The following SASH1 variants were observed in gnomAD, a reference collection of about 807,000 sequenced individuals.
SASH1 encodes SAM and SH3 domain-containing protein 1.
SASH1 carries 44 observed loss-of-function variants against 125.2 expected under a neutral mutation model. The ratio of observed to expected loss-of-function variants is 0.35; its 90% confidence interval spans 0.28 to 0.45. SASH1 has a LOEUF of 0.45. Ranked by LOEUF, SASH1 falls within the 20% of genes least tolerant of loss-of-function variation. The pLI, the probability that SASH1 is intolerant of heterozygous loss-of-function variation, is 1.00. For synonymous variants in SASH1, 639 were observed against 649.1 expected (o/e 0.98, Z 0.24); for missense variants, 1,426 against 1,614.5 (o/e 0.88, Z 2.00).
the SASH1 span, among the ~76,000 whole-genome samples, chr6:148,204,527 A>C: frequency 7.8e-4 from 118 of 152,234 alleles, no homozygotes; most frequent in African/African-American, 2.8e-3. Flanking sequence ...CCCCATTTCT[A>C]CTAAAAATAC....
In SASH1 at chr6:148,551,716, G is replaced by T. The variant is rs1436490541; in HGVS notation, c.*3158G>T. 1.3e-5 allele frequency: 2 copies of T among 152,580 alleles called. No individual in the cohort carries two copies. Among genetic ancestry groups the T allele is most frequent in the African/African-American group, 2.4e-5 (1 of 41,438 alleles). The allele number at this position is 152,580 out of a possible 1,614,324, so 9.5% of individuals were successfully genotyped here. ...GTCCAAGTTATCTTGATTTAAAATT[G>T]ATAGAGAAAAGAAACTGTCGAGCAA... On this transcript the variant is annotated 3_prime_UTR_variant, in exon 20 of 20. Coordinates refer to ENST00000367467, the MANE Select transcript of SASH1 (RefSeq NM_015278.5).
Position 148,533,680 on chromosome 6 carries a change from A to T in SASH1, c.1735-91A>T. ...CGATTCTGGCCTTTGTGGCATCTTC[A>T]CTTCTGCATGACCTGTGTATCTGAC... is the stretch of plus-strand genomic sequence containing the variant. On this transcript the variant is annotated intron_variant, in intron 14 of 19. Coordinates refer to ENST00000367467, the MANE Select transcript of SASH1 (RefSeq NM_015278.5). This position sits in a 1 kb window ranked among gnomAD's most constrained non-coding sequence, Gnocchi z 6.2. 8.1e-7 allele frequency: 1 copy of T among 1,237,306 alleles called. No individual in the cohort carries two copies. Among genetic ancestry groups the T allele is most frequent in the Non-Finnish European group, 1.1e-6 (1 of 871,618 alleles). 76.6% of individuals were successfully genotyped at this position (1,237,306 alleles called of 1,614,324 possible).
At chr6:148,500,571 A>G (rs1725110009) in intron 8 of SASH1, among the ~76,000 whole-genome samples, 2 of 152,316 alleles carry the variant, frequency 1.3e-5, no homozygotes, top group Admixed American at 6.5e-5. Flanking sequence ...AAAAAGATAA[A>G]GAGGTCACAC....
chr6:148,369,094 G>A (rs574464622), intron 1 of SASH1, among the ~76,000 whole-genome samples: 1 of 152,206 alleles, frequency 6.6e-6, no homozygotes, highest in Non-Finnish European at 1.5e-5. Flanking sequence ...TGGCAGAGCT[G>A]TACGTGTTGG....
At chr6:148,279,727 GCTCACAC>G (rs959611765) in intron 1 of SASH1, among the ~76,000 whole-genome samples, 2 of 152,046 alleles carry the variant, frequency 1.3e-5, no homozygotes, top group African/African-American at 4.8e-5. Context: ...AGGAGTGGTG[GCTCACAC>G]CTGAAATCCT....
rs1395124435 is a variant in SASH1, at chr6:148,519,920, T to C, written c.1209+27T>C. The C allele has an allele frequency of 2.0e-6, 3 of 1,482,526 alleles. No individual in the cohort carries two copies. The highest frequency in any genetic ancestry group is 1.2e-5 in the South Asian group (1 of 81,060). The allele number at this position is 1,482,526 out of a possible 1,614,324, so 91.8% of individuals were successfully genotyped here. ...TAAGTACGGATGGTGTTTGCTTCTA[T>C]GACAACCACCGTCGCAGGCACCACC... On this transcript the variant is annotated intron_variant, in intron 10 of 19. Transcript: ENST00000367467. The surrounding 1 kb of genome is among the most constrained non-coding windows in gnomAD (Gnocchi z 4.8).
At chr6:148,545,935 C>T (rs574956386) in intron 18 of SASH1, 80 bp from the exon 19 acceptor site, 44 of 1,384,496 alleles carry the variant, frequency 3.2e-5, no homozygotes, top group South Asian at 1.5e-4. Context: ...TGAGACCCTA[C>T]GTTATATGTG....
the SASH1 span, among the ~76,000 whole-genome samples, chr6:148,193,620 C>G: frequency 6.6e-6 from 1 of 152,134 alleles, no homozygotes; most frequent in Non-Finnish European, 1.5e-5. Flanking sequence ...TTGGAGCAAA[C>G]TAATGGTAAG....
intron 4 of SASH1, among the ~76,000 whole-genome samples, chr6:148,444,851 C>T (rs2115017860): frequency 6.6e-6 from 1 of 152,274 alleles, no homozygotes; most frequent in African/African-American, 2.4e-5. Flanking sequence ...ATAGGCAGAG[C>T]AGTGGCATGG....
At chr6:148,443,037 A>T (rs1373530682) in intron 4 of SASH1, among the ~76,000 whole-genome samples, 1 of 151,684 alleles carries the variant, frequency 6.6e-6, no homozygotes, top group African/African-American at 2.4e-5. Context: ...CAGCCTCCCA[A>T]AGTGCTGGGA....
chr6:148,288,267 C>T (rs1292962953), intron 1 of SASH1, among the ~76,000 whole-genome samples: 1 of 152,192 alleles, frequency 6.6e-6, no homozygotes, highest in Admixed American at 6.5e-5. Flanking sequence ...GACAGAGCGG[C>T]CCTGGGATTC....
intron 1 of SASH1, among the ~76,000 whole-genome samples, chr6:148,347,237 G>A (rs1055993883): frequency 1.3e-5 from 2 of 152,108 alleles, no homozygotes; most frequent in South Asian, 2.1e-4. Flanking sequence ...AACTGGGAAG[G>A]GGGTTAGTAA....
At chr6:148,208,041 A>T in the SASH1 span, among the ~76,000 whole-genome samples, 1 of 152,200 alleles carries the variant, frequency 6.6e-6, no homozygotes, top group Non-Finnish European at 1.5e-5. Context: ...ACACACGTGG[A>T]TGACCACCCA....
the SASH1 span, among the ~76,000 whole-genome samples, chr6:148,230,727 A>T: frequency 2.2e-4 from 34 of 152,130 alleles, no homozygotes; most frequent in South Asian, 3.1e-3. Context: ...GTGGTATCTC[A>T]TTGTGGTTTT....
At chr6:148,312,261 C>T (rs1049993807) in intron 1 of SASH1, among the ~76,000 whole-genome samples, 3 of 152,106 alleles carry the variant, frequency 2.0e-5, no homozygotes, top group Non-Finnish European at 4.4e-5. Flanking sequence ...CAATGAAAAG[C>T]ATGATTTTTA....
rs150425929 is a variant in SASH1, at chr6:148,473,377, C to G, written c.515-733C>G. 3.9e-5 allele frequency among the ~76,000 whole-genome samples: 6 copies of G among 152,274 alleles called. No homozygotes were observed. In the East Asian group the frequency reaches 1.2e-3, roughly 29 times the overall value. ...AAAGCAATTCTCCTGCTTCAGTCTC[C>G]TGAGTGTCTGGGATTACAGGTGCCT... On this transcript the variant is annotated intron_variant, in intron 6 of 19. Transcript: ENST00000367467.
At chr6:148,487,079 T>A (rs1778898595) in intron 7 of SASH1, among the ~76,000 whole-genome samples, 1 of 116,604 alleles carries the variant, frequency 8.6e-6, no homozygotes, top group Non-Finnish European at 1.7e-5. Flanking sequence ...TATATATATA[T>A]AACACATATA....
chr6:148,410,895 C>A (rs1784596370), intron 2 of SASH1, among the ~76,000 whole-genome samples: 1 of 152,180 alleles, frequency 6.6e-6, no homozygotes, highest in South Asian at 2.1e-4. Flanking sequence ...CACAGTGGCT[C>A]ATGCCTGTAA....
At chr6:148,334,297 G>A (rs1414128520) in intron 1 of SASH1, among the ~76,000 whole-genome samples, 4 of 148,418 alleles carry the variant, frequency 2.7e-5, no homozygotes, top group African/African-American at 9.8e-5. Flanking sequence ...GCGTGATGGC[G>A]GGCGCCTGTA....
Sources: gnomAD v4.1 joint callset for allele counts (sites outside exome capture counted in the v4.1 genomes callset) on GRCh38, gnomAD v4.1.1 for gene constraint, Gnocchi (gnomAD v3.1) non-coding constraint, MANE v1.5 for transcripts, NCBI Gene and HGNC (gene_info 2026-07-23, HGNC 2026-07-21) for gene names.